Variants in TTYH2 observed in about 807,000 individuals in gnomAD.
TTYH2 encodes the protein tweety family member 2, also known as protein tweety homolog 2.
In TTYH2, 49 loss-of-function variants were observed where a neutral mutation model predicts 68.3. That is an observed-to-expected ratio of 0.72 (90% confidence interval 0.57 to 0.91). TTYH2 has a LOEUF of 0.91. Among genes scored for constraint, TTYH2 ranks in the 40% least tolerant of loss-of-function variants. The pLI, the probability that TTYH2 is intolerant of heterozygous loss-of-function variation, is 0.00. For synonymous variants in TTYH2, 272 were observed against 300.8 expected (o/e 0.90, Z 0.99); for missense variants, 631 against 700.4 (o/e 0.90, Z 1.12).
chr17:74,261,275 G>A lies in TTYH2; in HGVS notation c.*1066G>A, dbSNP rs996520532. On this transcript the variant is annotated 3_prime_UTR_variant, in exon 14 of 14. Transcript: ENST00000269346. ...TCTGGGTTCATCTCACCCACAGAGG[G>A]AGGATCTTTAAGAGGAGAAAAAAGC... 3 of 152,238 alleles carry A rather than the reference G, an allele frequency of 2.0e-5. No homozygotes were observed. Among genetic ancestry groups the A allele is most frequent in the African/African-American group, 7.2e-5 (3 of 41,452 alleles). 9.4% of individuals were successfully genotyped at this position (152,238 alleles called of 1,614,324 possible). A position where few individuals can be genotyped will look rare whatever the true frequency, so the allele number is the denominator to read the frequency against.
intron 4 of TTYH2, among the ~76,000 whole-genome samples, chr17:74,238,317 A>G (rs559413913): frequency 4.9e-4 from 75 of 152,340 alleles, no homozygotes; most frequent in Non-Finnish European, 7.9e-4. Context: ...GCTCTGACCT[A>G]CAAGTCATTG....
At chr17:74,231,388 A>T (rs1196449885) in intron 3 of TTYH2, among the ~76,000 whole-genome samples, 1 of 152,164 alleles carries the variant, frequency 6.6e-6, no homozygotes, top group Non-Finnish European at 1.5e-5. Flanking sequence ...CAAGAGGAAA[A>T]AACTCTCTTC....
intron 10 of TTYH2, 117 bp downstream of exon 10, chr17:74,250,474 A>G: frequency 1.2e-6 from 1 of 840,576 alleles, no homozygotes; most frequent in East Asian, 2.7e-5. Flanking sequence ...CTTCCGGCCC[A>G]GGAATGGAAC....
rs1418491605 is a variant in TTYH2 at position 74,260,110 on chromosome 17, C to G, written c.1525-19C>G. On this transcript the variant is annotated intron_variant, in intron 13 of 13. Transcript: ENST00000269346. The stretch of plus-strand genomic sequence containing the variant: ...TGGCTGACTCAGCTCTGACCATCCC[C>G]TCTCTTCTCTCTTGGCAGTACTCTC... 6.2e-7 allele frequency: 1 copy of G among 1,611,934 alleles called. No individual in the cohort carries two copies. Among genetic ancestry groups the G allele is most frequent in the African/African-American group, 1.3e-5 (1 of 74,956 alleles).
rs1246031821 is a variant in TTYH2, at chr17:74,217,995, T to C, written c.129+4279T>C. ...CGTGGGGAGGCGTGGGAAATTGTCT[T>C]GGCAAAGCTCTGTCCATCTGAGCAG... is the stretch of plus-strand genomic sequence containing the variant. On this transcript the variant is annotated intron_variant, in intron 1 of 13. Transcript: ENST00000269346. This position sits in a 1 kb window ranked among gnomAD's most constrained non-coding sequence, Gnocchi z 4.0. Among the ~76,000 whole-genome samples the C allele has an allele frequency of 3.9e-5, 6 of 152,066 alleles. No homozygotes were observed.
At position 74,213,800 on chromosome 17, in the gene TTYH2, C is replaced by G; in HGVS notation, c.129+84C>G. On this transcript the variant is annotated intron_variant, in intron 1 of 13. Coordinates refer to ENST00000269346, the MANE Select transcript of TTYH2 (RefSeq NM_032646.6). The surrounding 1 kb of genome is among the most constrained non-coding windows in gnomAD (Gnocchi z 6.1). ...CTCTCCCCTCGAGAGCCTGCACTTTCCCACGTGCCTCTCAGACCCCTTCTC... is the reference window on the plus strand; with the variant it reads ...CTCTCCCCTCGAGAGCCTGCACTTTGCCACGTGCCTCTCAGACCCCTTCTC... 6.6e-7 allele frequency: 1 copy of G among 1,511,042 alleles called. No homozygotes were observed. The allele number at this position is 1,511,042 out of a possible 1,614,324, so 93.6% of individuals were successfully genotyped here. A position where few individuals can be genotyped will look rare whatever the true frequency, so the allele number is the denominator to read the frequency against.
In TTYH2 at chr17:74,222,438, C is replaced by T. The variant is rs755270147; in HGVS notation, c.130-47C>T. 1.8e-5 allele frequency: 28 copies of T among 1,553,874 alleles called. No homozygotes were observed. In the South Asian group the frequency reaches 2.3e-4, roughly 13 times the overall value. On this transcript the variant is annotated intron_variant, in intron 1 of 13. Coordinates refer to ENST00000269346, the MANE Select transcript of TTYH2 (RefSeq NM_032646.6). The surrounding 1 kb of genome is among the most constrained non-coding windows in gnomAD (Gnocchi z 5.2). ...CAAGGGCAGGGCACTTCCAGAGCCC[C>T]GCACTGCAGGGATGAAGAGTGACAA... is the stretch of plus-strand genomic sequence containing the variant.
Position 74,248,351 on chromosome 17 carries a change from A to T in TTYH2, c.805-660A>T, listed in dbSNP as rs992784613. The T allele has an allele frequency of 3.0e-6, 3 of 985,854 alleles. No individual in the cohort carries two copies. The South Asian group carries it at 1.4e-4, about 46-fold the overall frequency. The allele number at this position is 985,854 out of a possible 1,614,324, so 61.1% of individuals were successfully genotyped here. A position where few individuals can be genotyped will look rare whatever the true frequency, so the allele number is the denominator to read the frequency against. On this transcript the variant is annotated intron_variant, in intron 6 of 13. Transcript: ENST00000269346. ...CCTGCGTCTGCTCCCACCCTGCCGC[A>T]TGGGCCTTAGCAATCACTTAGCCAG...
rs111527340 is a variant in TTYH2, at chr17:74,232,773, C to T, written c.414+1774C>T. Among the ~76,000 whole-genome samples the T allele has an allele frequency of 1.3e-3, 194 of 152,328 alleles. 1 individual carries two copies. The highest frequency in any genetic ancestry group is 2.3e-3 in the South Asian group (11 of 4,820). On this transcript the variant is annotated intron_variant, in intron 3 of 13. Coordinates refer to ENST00000269346, the MANE Select transcript of TTYH2 (RefSeq NM_032646.6). This position sits in a 1 kb window ranked among gnomAD's most constrained non-coding sequence, Gnocchi z 5.1. ...GAAGGCACCAGGGCCATGACCTTCA[C>T]GGGTTTAGAGAAACTCCCAGAACTC...
Position 74,243,995 on chromosome 17 carries a change from A to C in TTYH2, c.750A>C (p.Ala250=). The C allele has an allele frequency of 1.9e-6, 3 of 1,612,192 alleles. No homozygotes were observed. The highest frequency in any genetic ancestry group is 2.5e-6 in the Non-Finnish European group (3 of 1,179,924). The change falls in exon 6 of 14, where the codon GCA becomes GCC. Residue 250 remains alanine, a synonymous_variant. Coordinates refer to ENST00000269346, the MANE Select transcript of TTYH2 (RefSeq NM_032646.6). ...CTCCTAGGATGCTGTGCTGTGGGGCACTGAGCCTGCTCCTCAGTTGGGCAT... is the reference window on the plus strand; with the variant it reads ...CTCCTAGGATGCTGTGCTGTGGGGCCCTGAGCCTGCTCCTCAGTTGGGCAT... ...CLLASMLCCG[A]LSLLLSWASL... is the part of the protein sequence containing the mutation.
At chr17:74,251,939 T>A in intron 10 of TTYH2, 1 of 371,276 alleles carries the variant, frequency 2.7e-6, no homozygotes, top group Non-Finnish European at 5.0e-6. Flanking sequence ...TCAGCTTCAG[T>A]GCCCCCGTCT....
At chr17:74,225,886 G>T (rs969367697) in intron 2 of TTYH2, among the ~76,000 whole-genome samples, 1 of 152,226 alleles carries the variant, frequency 6.6e-6, no homozygotes, top group Non-Finnish European at 1.5e-5. Flanking sequence ...TCGCATAGAT[G>T]CGGGCAAGAG....
chr17:74,235,564 C>T (rs1325227861), intron 3 of TTYH2, among the ~76,000 whole-genome samples: 2 of 152,204 alleles, frequency 1.3e-5, no homozygotes, highest in Admixed American at 6.5e-5. Flanking sequence ...TCTTCAAAAG[C>T]CAGCTAGGGT....
rs1435896044 is a variant in TTYH2, at chr17:74,214,378, CTG to C, written c.129+664_129+665del. Among the ~76,000 whole-genome samples, 3 of 152,176 alleles carry C rather than the reference CTG, an allele frequency of 2.0e-5. No homozygotes were observed. The highest frequency in any genetic ancestry group is 4.4e-5 in the Non-Finnish European group (3 of 68,026). On this transcript the variant is annotated intron_variant, in intron 1 of 13. Transcript: ENST00000269346. This position sits in a 1 kb window ranked among gnomAD's most constrained non-coding sequence, Gnocchi z 4.6. ...GTGGCCTCCGTCAGCCCATCTCACA[CTG>C]TTGTCCTGAGGACCCCCTTGCATTG...
intron 2 of TTYH2, among the ~76,000 whole-genome samples, chr17:74,223,769 GGCA>G (rs956997026): frequency 6.6e-6 from 1 of 152,196 alleles, no homozygotes; most frequent in Non-Finnish European, 1.5e-5. Flanking sequence ...GCAGCAGGCT[GGCA>G]GCCAGGCAGG....
At chr17:74,253,337 CG>C in intron 12 of TTYH2, 71 bp downstream of exon 12, 1 of 1,493,786 alleles carries the variant, frequency 6.7e-7, no homozygotes. Flanking sequence ...TCCACAGTGC[CG>C]GGTGTGGGGA....
At position 74,241,737 on chromosome 17, in the gene TTYH2, G is replaced by T. The variant is rs146028967; in HGVS notation, c.636-1637G>T. On this transcript the variant is annotated intron_variant, in intron 4 of 13. Coordinates refer to ENST00000269346, the MANE Select transcript of TTYH2 (RefSeq NM_032646.6). This position sits in a 1 kb window ranked among gnomAD's most constrained non-coding sequence, Gnocchi z 4.1. ...ACTTTACTTGGCTCTTGCAGCAAGA[G>T]AAATAATGATCCAAATACTTCCCTC... 8.2e-3 allele frequency among the ~76,000 whole-genome samples: 1,244 copies of T among 152,346 alleles called. 10 individuals are homozygous for T. The highest frequency in any genetic ancestry group is 0.029 in the African/African-American group (1,195 of 41,568).
At chr17:74,245,215 G>T (rs901288893) in intron 6 of TTYH2, among the ~76,000 whole-genome samples, 2 of 152,210 alleles carry the variant, frequency 1.3e-5, no homozygotes, top group Non-Finnish European at 1.5e-5. Context: ...TTCTGTCTTT[G>T]CCTCCTGCCA....
chr17:74,222,489 T>C lies in TTYH2; in HGVS notation c.134T>C (p.Leu45Pro). 1 of 1,609,212 alleles carries C rather than the reference T, an allele frequency of 6.2e-7. No individual in the cohort carries two copies. Among genetic ancestry groups the C allele is most frequent in the Non-Finnish European group, 8.5e-7 (1 of 1,179,470 alleles). ...CAGGCCTCTGCTCTCTTCCAGTCGCTGCTGTTCCTGGGGCTGGTGGCCGCC... is the reference window on the plus strand; with the variant it reads ...CAGGCCTCTGCTCTCTTCCAGTCGCCGCTGTTCCTGGGGCTGGTGGCCGCC... ...SPGDESYQES[L>P]LFLGLVAAVC... The change falls in exon 2 of 14, where the codon CTG becomes CCG. Residue 45 changes from leucine to proline, a missense_variant. Leu to Pro is a moderately conservative substitution (Grantham distance 98, BLOSUM62 -3). Transcript: ENST00000269346. The surrounding 1 kb of genome is among the most constrained non-coding windows in gnomAD (Gnocchi z 5.2).
Sources: gnomAD v4.1 joint callset for allele counts (sites outside exome capture counted in the v4.1 genomes callset) on GRCh38, gnomAD v4.1.1 for gene constraint, Gnocchi (gnomAD v3.1) non-coding constraint, MANE v1.5 for transcripts, NCBI Gene and HGNC (gene_info 2026-07-23, HGNC 2026-07-21) for gene names.